The following PCDH9 variants were observed in gnomAD, a reference collection of about 807,000 sequenced individuals.
PCDH9 encodes protocadherin-9.
Under a neutral mutation model 70.6 loss-of-function variants are expected in PCDH9, and 24 were observed. The ratio of observed to expected loss-of-function variants is 0.34; its 90% CI spans 0.25 to 0.48. The LOEUF (loss-of-function observed/expected upper bound fraction) is 0.48, where lower values mean the gene tolerates loss of function less well. Ranked by LOEUF, PCDH9 falls within the 20% of genes least tolerant of loss-of-function variation. The pLI is 0.99. For synonymous variants in PCDH9, 562 were observed against 558.5 expected (o/e 1.01, Z -0.09); for missense variants, 1,281 against 1,503.6 (o/e 0.85, Z 2.45).
chr13:66,829,521 T>C (rs57389966), intron 3 of PCDH9, among the ~76,000 whole-genome samples: 4,856 of 151,936 alleles, frequency 0.032, 267 homozygotes, highest in African/African-American at 0.11. Context: ...CATAACTGTA[T>C]ATATTTGTCA....
intron 4 of PCDH9, among the ~76,000 whole-genome samples, chr13:66,549,892 GA>G (rs1961403233): frequency 6.6e-6 from 1 of 152,034 alleles, no homozygotes; most frequent in Non-Finnish European, 1.5e-5. Context: ...GAGTCTGTAA[GA>G]AATGCCACTT....
At chr13:67,028,025 T>A (rs2084823511) in intron 2 of PCDH9, among the ~76,000 whole-genome samples, 1 of 150,886 alleles carries the variant, frequency 6.6e-6, no homozygotes, top group South Asian at 2.1e-4. Flanking sequence ...TCCTCAGGGA[T>A]CTAGAACTAG....
intron 4 of PCDH9, among the ~76,000 whole-genome samples, chr13:66,576,313 C>T (rs1176139916): frequency 6.6e-6 from 1 of 152,012 alleles, no homozygotes; most frequent in Non-Finnish European, 1.5e-5. Context: ...TTTATACACA[C>T]ACACATAGAC....
At chr13:66,783,334 T>C (rs1310874793) in intron 3 of PCDH9, among the ~76,000 whole-genome samples, 2 of 152,082 alleles carry the variant, frequency 1.3e-5, no homozygotes, top group Admixed American at 1.3e-4. Flanking sequence ...TACTCTGCCA[T>C]AGCTCAAAAG....
chr13:67,131,670 T>C (rs7331374), intron 2 of PCDH9, among the ~76,000 whole-genome samples: 35,321 of 152,052 alleles, frequency 0.23, 4,204 homozygotes, highest in Middle Eastern at 0.28. Context: ...ATTCAGAGAA[T>C]GTTTAGTAAA....
intron 2 of PCDH9, among the ~76,000 whole-genome samples, chr13:66,994,008 G>T (rs1160353036): frequency 1.3e-5 from 2 of 152,042 alleles, no homozygotes; most frequent in African/African-American, 2.4e-5. Flanking sequence ...TAAAAAGTGA[G>T]AAAAAGAAAG....
At chr13:66,920,770 T>C (rs1475256509) in intron 2 of PCDH9, among the ~76,000 whole-genome samples, 1 of 151,254 alleles carries the variant, frequency 6.6e-6, no homozygotes, top group Non-Finnish European at 1.5e-5. Flanking sequence ...AATTCCTGTT[T>C]CCAGTGAGCT....
At chr13:67,138,974 T>C (rs2087304272) in intron 2 of PCDH9, among the ~76,000 whole-genome samples, 1 of 152,178 alleles carries the variant, frequency 6.6e-6, no homozygotes, top group Non-Finnish European at 1.5e-5. Context: ...TCTATGTGAT[T>C]GAGAAAATGA....
intron 3 of PCDH9, among the ~76,000 whole-genome samples, chr13:66,762,389 T>A (rs1277625912): frequency 6.6e-6 from 1 of 152,022 alleles, no homozygotes; most frequent in Non-Finnish European, 1.5e-5. Context: ...TCCATAGGTG[T>A]CTGCCTGGTG....
intron 4 of PCDH9, among the ~76,000 whole-genome samples, chr13:66,442,429 T>C (rs1287709833): frequency 2.0e-5 from 3 of 152,110 alleles, no homozygotes; most frequent in African/African-American, 7.2e-5. Context: ...AGTTAATCAG[T>C]TGGAGAAATG....
chr13:66,522,828 C>A (rs1960056989), intron 4 of PCDH9, among the ~76,000 whole-genome samples: 1 of 151,800 alleles, frequency 6.6e-6, no homozygotes, highest in Non-Finnish European at 1.5e-5. Context: ...ATTTCTTGCC[C>A]CAGAAGTAGG....
chr13:66,647,937 G>A (rs1357205347), intron 3 of PCDH9, among the ~76,000 whole-genome samples: 1 of 152,098 alleles, frequency 6.6e-6, no homozygotes, highest in Non-Finnish European at 1.5e-5. Context: ...TGTGGGCCTG[G>A]GGAAGAGACG....
At chr13:66,426,196 C>T (rs1163947999) in intron 4 of PCDH9, among the ~76,000 whole-genome samples, 1 of 150,884 alleles carries the variant, frequency 6.6e-6, no homozygotes, top group East Asian at 1.9e-4. Context: ...TACTTTTTCT[C>T]TCTATTGAAC....
Position 66,741,905 on chromosome 13 carries a change from C to T in PCDH9, c.3139-110494G>A, listed in dbSNP as rs1364446121. Among the ~76,000 whole-genome samples the T allele has an allele frequency of 5.5e-3, 805 of 147,374 alleles. 5 individuals carry two copies. Among genetic ancestry groups the T allele is most frequent in the African/African-American group, 0.019 (734 of 37,970 alleles). ...GTAGGAAGAATCAATATCGTGAAAA[C>T]GGCCATACTGCCCAAGGTAATTTAT... On this transcript the variant is annotated intron_variant, in intron 3 of 4. Coordinates refer to ENST00000377865, the MANE Select transcript of PCDH9 (RefSeq NM_203487.3).
At chr13:66,391,883 C>CATATATATATATATATATATATAT (rs140840857) in intron 4 of PCDH9, among the ~76,000 whole-genome samples, 24 of 143,250 alleles carry the variant, frequency 1.7e-4, no homozygotes, top group African/African-American at 6.1e-4. Flanking sequence ...GCCATATATG[C>CATATATATATATATATATATATAT]ATATATATAT....
intron 3 of PCDH9, among the ~76,000 whole-genome samples, chr13:66,819,832 GC>G (rs1455203919): frequency 6.6e-6 from 1 of 152,136 alleles, no homozygotes; most frequent in Non-Finnish European, 1.5e-5. Context: ...GGAAGCCCAT[GC>G]TACAGTGAGC....
Position 66,920,288 on chromosome 13 carries a change from T to G in PCDH9, c.3037-16683A>C, listed in dbSNP as rs2082618761. ...TGAAAGAAAGTATCCCAAAATTGAATAGGTTTCCAGGTAAAAAAGGAAAAG... is the reference window on the plus strand; with the variant it reads ...TGAAAGAAAGTATCCCAAAATTGAAGAGGTTTCCAGGTAAAAAAGGAAAAG... On this transcript the variant is annotated intron_variant, in intron 2 of 4. Coordinates refer to ENST00000377865, the MANE Select transcript of PCDH9 (RefSeq NM_203487.3). Among the ~76,000 whole-genome samples the G allele has an allele frequency of 2.0e-5, 3 of 151,124 alleles. No homozygotes were observed. The Admixed American group carries it at 2.0e-4, about 10-fold the overall frequency.
chr13:66,743,661 A>C (rs1212449299), intron 3 of PCDH9, among the ~76,000 whole-genome samples: 2 of 152,170 alleles, frequency 1.3e-5, no homozygotes, highest in East Asian at 1.9e-4. Context: ...TTCTCACTAT[A>C]AAAACAAATA....
chr13:66,581,666 T>C (rs1174497799), intron 4 of PCDH9, among the ~76,000 whole-genome samples: 1 of 152,174 alleles, frequency 6.6e-6, no homozygotes, highest in Non-Finnish European at 1.5e-5. Context: ...CCTGAAAGGA[T>C]TTCAATTTCA....
Sources: allele counts gnomAD v4.1 joint callset (sites outside exome capture counted in the v4.1 genomes callset), GRCh38; gene constraint gnomAD v4.1.1; transcripts MANE v1.5; gene names NCBI Gene and HGNC (gene_info 2026-07-23, HGNC 2026-07-21).